ANO4: variants seen among roughly 807,000 people sequenced by gnomAD.
ANO4 encodes anoctamin 4, also known as anoctamin-4.
A neutral mutation model predicts 141.9 loss-of-function variants in ANO4; 69 were observed. The ratio of observed to expected loss-of-function variants is 0.49; its 90% CI spans 0.40 to 0.59. The LOEUF (loss-of-function observed/expected upper bound fraction) is 0.59. ANO4 is among the 20% of genes least tolerant of loss of function. The pLI is 0.00. For synonymous variants in ANO4, 350 were observed against 394.3 expected (o/e 0.89, Z 1.33); for missense variants, 894 against 1,162.2 (o/e 0.77, Z 3.36).
intron 8 of ANO4, among the ~76,000 whole-genome samples, chr12:100,989,750 T>TGG (rs2044979443): frequency 2.6e-5 from 3 of 115,400 alleles, no homozygotes; most frequent in East Asian, 3.2e-4. Flanking sequence ...TGGATGGATA[T>TGG]ATGGATGGAT....
intron 27 of ANO4, 34 bp from the exon 28 acceptor site, chr12:101,127,827 C>CATAAG (rs1159638900): frequency 1.3e-5 from 2 of 152,644 alleles, no homozygotes; most frequent in Non-Finnish European, 2.9e-5. Context: ...ATTGTGTATG[C>CATAAG]ATAAGATCTT....
intron 1 of ANO4, among the ~76,000 whole-genome samples, chr12:100,807,285 A>G (rs2035116978): frequency 6.6e-6 from 1 of 152,160 alleles, no homozygotes; most frequent in African/African-American, 2.4e-5. Context: ...ATCATCATCT[A>G]TGAAATCCCC....
chr12:100,815,724 T>C lies in ANO4; in HGVS notation c.-141+20697T>C, dbSNP rs2035695087. 1.3e-5 allele frequency among the ~76,000 whole-genome samples: 2 copies of C among 151,650 alleles called. 1 individual carries two copies. The highest frequency in any genetic ancestry group is 4.2e-4 in the South Asian group (2 of 4,812). On this transcript the variant is annotated intron_variant, in intron 1 of 27. Coordinates refer to ENST00000392977, the MANE Select transcript of ANO4 (RefSeq NM_001286615.2). ...GATACTATTGTTAATAAATAATATT[T>C]TTTATTTAGCAAATAACTTTACATA...
At chr12:101,087,831 C>A (rs2049568712) in intron 17 of ANO4, among the ~76,000 whole-genome samples, 1 of 152,160 alleles carries the variant, frequency 6.6e-6, no homozygotes. Flanking sequence ...CTCTGGCTGT[C>A]TAAATGTATC....
chr12:101,004,373 A>G (rs1205839329), intron 8 of ANO4, among the ~76,000 whole-genome samples: 1 of 149,878 alleles, frequency 6.7e-6, no homozygotes, highest in Non-Finnish European at 1.5e-5. Context: ...ATATGGGGCA[A>G]CGGAGTGAGC....
At chr12:100,988,397 G>A (rs1400223448) in intron 8 of ANO4, among the ~76,000 whole-genome samples, 2 of 152,022 alleles carry the variant, frequency 1.3e-5, no homozygotes, top group Non-Finnish European at 2.9e-5. Flanking sequence ...AACAATAGGA[G>A]AAACACAGCC....
chr12:100,808,777 A>AT (rs903674512), intron 1 of ANO4, among the ~76,000 whole-genome samples: 6 of 152,110 alleles, frequency 3.9e-5, no homozygotes, highest in Non-Finnish European at 5.9e-5. Flanking sequence ...TAATTGATTC[A>AT]TTTTTTCTTT....
At chr12:101,094,156 A>C in intron 17 of ANO4, 100 bp from the exon 18 acceptor site, 1 of 936,702 alleles carries the variant, frequency 1.1e-6, no homozygotes, top group Non-Finnish European at 1.7e-6. Flanking sequence ...TGCTTAATGA[A>C]ATTATTTTGA....
At chr12:100,836,205 T>G (rs2036903075) in intron 1 of ANO4, among the ~76,000 whole-genome samples, 1 of 152,166 alleles carries the variant, frequency 6.6e-6, no homozygotes, top group Admixed American at 6.5e-5. Context: ...GTGAAAATGT[T>G]GATCTGTTAG....
intron 14 of ANO4, among the ~76,000 whole-genome samples, chr12:101,061,531 G>C (rs570786032): frequency 2.9e-4 from 44 of 152,052 alleles, no homozygotes; most frequent in African/African-American, 9.9e-4. Flanking sequence ...TCAAATGTAG[G>C]TTTGGTTTTT....
chr12:101,079,070 A>G, intron 14 of ANO4, 123 bp from the exon 15 acceptor site: 4 of 794,326 alleles, frequency 5.0e-6, no homozygotes, highest in Non-Finnish European at 6.3e-6. Flanking sequence ...AAATTCTGAT[A>G]TTCGATGATG....
At chr12:101,023,391 C>A (rs938051663) in intron 9 of ANO4, among the ~76,000 whole-genome samples, 1 of 152,134 alleles carries the variant, frequency 6.6e-6, no homozygotes, top group African/African-American at 2.4e-5. Flanking sequence ...TGGTAATAGG[C>A]CAGGCACATT....
intron 5 of ANO4, among the ~76,000 whole-genome samples, chr12:100,945,232 C>G: frequency 6.6e-6 from 1 of 152,282 alleles, no homozygotes; most frequent in South Asian, 2.1e-4. Flanking sequence ...GTTTAACATC[C>G]TTATCTCTTT....
intron 1 of ANO4, among the ~76,000 whole-genome samples, chr12:100,872,976 G>T (rs969350734): frequency 4.6e-5 from 7 of 152,144 alleles, no homozygotes; most frequent in African/African-American, 1.7e-4. Context: ...CACAAGATCT[G>T]GTTGTTTAAA....
intron 8 of ANO4, among the ~76,000 whole-genome samples, chr12:101,011,779 T>C (rs2046105058): frequency 6.6e-6 from 1 of 152,198 alleles, no homozygotes; most frequent in Non-Finnish European, 1.5e-5. Flanking sequence ...GTTTCCTACT[T>C]TGCCACATGC....
chr12:100,974,982 C>T, intron 7 of ANO4, 93 bp downstream of exon 7: 5 of 1,435,982 alleles, frequency 3.5e-6, no homozygotes, highest in Non-Finnish European at 4.9e-6. Context: ...GGAAGATGAG[C>T]CTGTGTCACA....
chr12:101,025,284 G>A (rs921889221), intron 9 of ANO4, among the ~76,000 whole-genome samples: 5 of 152,198 alleles, frequency 3.3e-5, no homozygotes, highest in African/African-American at 1.2e-4. Flanking sequence ...GAGCCCTGCT[G>A]GGCCCTATCT....
chr12:100,854,446 C>G (rs1019718045), intron 1 of ANO4, among the ~76,000 whole-genome samples: 1 of 151,968 alleles, frequency 6.6e-6, no homozygotes, highest in Admixed American at 6.6e-5. Context: ...TTTGAATATT[C>G]TCTCCCTTAT....
intron 1 of ANO4, among the ~76,000 whole-genome samples, chr12:100,728,978 G>C (rs976319879): frequency 6.7e-6 from 1 of 150,006 alleles, no homozygotes. Context: ...CTTTCATAAC[G>C]CAAACTCACT....
Sources: gnomAD v4.1 joint callset for allele counts (sites outside exome capture counted in the v4.1 genomes callset) on GRCh38, gnomAD v4.1.1 for gene constraint, MANE v1.5 for transcripts, NCBI Gene and HGNC (gene_info 2026-07-23, HGNC 2026-07-21) for gene names.